The following HTR3C variants were observed in gnomAD, a reference collection of about 807,000 sequenced individuals.
The protein encoded by HTR3C is 5-HT3-C.
A neutral mutation model predicts 40.5 loss-of-function variants in HTR3C; 32 were observed. The observed-to-expected ratio is 0.79, with a 90% CI of 0.60 to 1.06. HTR3C has a LOEUF of 1.06. Among genes scored for constraint, HTR3C ranks in the 50% least tolerant of loss-of-function variants. HTR3C has a pLI of 0.00. For synonymous variants in HTR3C, 209 were observed against 217.1 expected (o/e 0.96, Z 0.33); for missense variants, 523 against 556.8 (o/e 0.94, Z 0.61).
At position 184,060,449 on chromosome 3, in the gene HTR3C, G is replaced by C. The variant is rs1723425592; in HGVS notation, c.*97G>C. On this transcript the variant is annotated 3_prime_UTR_variant, in exon 9 of 9. Transcript: ENST00000318351. Reference sequence around the variant, plus strand: ...TCCTAATCTTAGCCACTTATCCCCAGTGACTACCATGTCCCCTTCTAAATT... The same window carrying C: ...TCCTAATCTTAGCCACTTATCCCCACTGACTACCATGTCCCCTTCTAAATT... 1 of 1,454,054 alleles carries C rather than the reference G, an allele frequency of 6.9e-7. No individual in the cohort carries two copies. Among genetic ancestry groups the C allele is most frequent in the Non-Finnish European group, 9.6e-7 (1 of 1,041,428 alleles). 90.1% of individuals were successfully genotyped at this position (1,454,054 alleles called of 1,614,324 possible). A position where few individuals can be genotyped will look rare whatever the true frequency, so the allele number is the denominator to read the frequency against.
intron 1 of HTR3C, among the ~76,000 whole-genome samples, chr3:184,053,882 G>A (rs1190271666): frequency 6.6e-6 from 1 of 152,194 alleles, no homozygotes; most frequent in Non-Finnish European, 1.5e-5. Context: ...AGCTTCCTGA[G>A]TAGTTGGGAT....
chr3:184,056,461 C>T (rs1240078900), intron 4 of HTR3C, among the ~76,000 whole-genome samples, 175 bp downstream of exon 4: 1 of 151,992 alleles, frequency 6.6e-6, no homozygotes, highest in African/African-American at 2.4e-5. Flanking sequence ...AAGAAAGAGC[C>T]CAGGGCCAGG....
chr3:184,053,241 G>A, intron 1 of HTR3C, 94 bp downstream of exon 1: 1 of 871,524 alleles, frequency 1.1e-6, no homozygotes, highest in South Asian at 1.4e-5. Context: ...GAATTAATGT[G>A]TTAAATATTT....
intron 3 of HTR3C, 34 bp downstream of exon 3, chr3:184,055,390 A>C: frequency 2.7e-6 from 4 of 1,497,948 alleles, no homozygotes; most frequent in Non-Finnish European, 3.7e-6. Context: ...TCCCCACTTC[A>C]TTTATAATTT....
intron 1 of HTR3C, 150 bp downstream of exon 1, chr3:184,053,297 A>G: frequency 1.6e-6 from 1 of 632,352 alleles, no homozygotes; most frequent in East Asian, 2.7e-5. Context: ...GACAGATAGA[A>G]AGACAGTTCA....
At chr3:184,054,989 G>C in intron 2 of HTR3C, 102 bp downstream of exon 2, 1 of 1,192,456 alleles carries the variant, frequency 8.4e-7, no homozygotes, top group Non-Finnish European at 1.2e-6. Context: ...TGAACAATAG[G>C]CACCCTGGAT....
chr3:184,055,884 CAAAAAAAAAAAAAA>C (rs71185686), intron 3 of HTR3C, among the ~76,000 whole-genome samples: 12 of 30,712 alleles, frequency 3.9e-4, no homozygotes, highest in South Asian at 2.3e-3. Flanking sequence ...AATAGCAACT[CAAAAAAAAAAAAAA>C]AAAAAAAAAA....
chr3:184,057,121 T>A, intron 5 of HTR3C, 77 bp downstream of exon 5: 1 of 1,186,674 alleles, frequency 8.4e-7, no homozygotes, highest in Non-Finnish European at 1.2e-6. Flanking sequence ...TTAGAAAAGG[T>A]TTTGGATCAG....
chr3:184,054,733 C>A lies in HTR3C; in HGVS notation c.80C>A (p.Ala27Asp). The stretch of plus-strand genomic sequence containing the variant: ...CTGCTCTCTATAGGAAGAGGCGACG[C>A]TTTTACCATCAATTGCTCAGGCTTT... ...VSLLLQGRGD[A>D]FTINCSGFDQ... is the part of the protein sequence containing the mutation. Residue 27 changes from alanine (A) to aspartate (D), a missense_variant, in exon 2 of 9, where the codon GCT becomes GAT. By Grantham distance (126) the Ala-to-Asp change is moderately radical. Coordinates refer to ENST00000318351, the MANE Select transcript of HTR3C (RefSeq NM_130770.3). 1 of 1,599,304 alleles carries A rather than the reference C, an allele frequency of 6.3e-7. No homozygotes were observed. The highest frequency in any genetic ancestry group is 8.5e-7 in the Non-Finnish European group (1 of 1,174,018).
intron 2 of HTR3C, among the ~76,000 whole-genome samples, 159 bp downstream of exon 2, chr3:184,055,046 G>A (rs992785615): frequency 2.6e-5 from 4 of 152,138 alleles, no homozygotes; most frequent in East Asian, 1.9e-4. Context: ...GGAGAGGCAC[G>A]AAGAAGAATA....
intron 5 of HTR3C, 74 bp from the exon 6 acceptor site, chr3:184,058,353 G>A (rs540615523): frequency 6.9e-7 from 1 of 1,447,742 alleles, no homozygotes; most frequent in South Asian, 1.5e-5. Flanking sequence ...GAAGCTCAGT[G>A]GGGGAGGACT....
chr3:184,055,026 C>T, intron 2 of HTR3C, 139 bp downstream of exon 2: 1 of 852,688 alleles, frequency 1.2e-6, no homozygotes, highest in East Asian at 2.7e-5. Context: ...AGATGCTTTT[C>T]CTATGCGATG....
rs930510726 is a variant in HTR3C, at chr3:184,056,988, A to G, written c.503A>G (p.Tyr168Cys). The G allele has an allele frequency of 6.2e-7, 1 of 1,613,690 alleles. No individual in the cohort carries two copies. The highest frequency in any genetic ancestry group is 8.5e-7 in the Non-Finnish European group (1 of 1,179,640). ...AGCATCTGTAACCTGGACATCTTCT[A>G]CTTCCCTTTTGACCAACAGAACTGT... ...VTSICNLDIF[Y>C]FPFDQQNCTF... is the part of the protein sequence containing the mutation. Residue 168 changes from tyrosine to cysteine, a missense_variant, in exon 5 of 9, where the codon TAC becomes TGC. Tyr to Cys is a radical substitution (Grantham distance 194, BLOSUM62 -2). Coordinates refer to ENST00000318351, the MANE Select transcript of HTR3C (RefSeq NM_130770.3).
Position 184,053,108 on chromosome 3 carries a change from A to C in HTR3C, c.28A>C (p.Ser10Arg). ...GGAAGGAGGGTGGCCTGCAAGGCAGAGTGCCCTCCTCTGCCTCACTGTCAG... is the reference window on the plus strand; with the variant it reads ...GGAAGGAGGGTGGCCTGCAAGGCAGCGTGCCCTCCTCTGCCTCACTGTCAG... The part of the protein sequence containing the change: MEGGWPARQ[S>R]ALLCLTVSLL... The change falls in exon 1 of 9, where the codon AGT becomes CGT. Residue 10 changes from serine to arginine, a missense_variant. By Grantham distance (110) the Ser-to-Arg change is moderately radical. Transcript: ENST00000318351. 1 of 1,613,970 alleles carries C rather than the reference A, an allele frequency of 6.2e-7. No individual in the cohort carries two copies. Among genetic ancestry groups the C allele is most frequent in the Non-Finnish European group, 8.5e-7 (1 of 1,179,856 alleles).
At position 184,059,555 on chromosome 3, in the gene HTR3C, ATT is replaced by A. The variant is rs1723399731; in HGVS notation, c.841_842del (p.Phe281GlnfsTer17). ...LPAESENRAPFKITLLLGYNV... is the reference protein window; with the variant it reads ...LPAESENRAPXKITLLLGYNV... ...CAGCAGAGAGCGAGAATCGTGCCCCATTCAAGATAACACTTCTGCTGGGCTAC... is the reference window on the plus strand; with the variant it reads ...CAGCAGAGAGCGAGAATCGTGCCCCACAAGATAACACTTCTGCTGGGCTAC... On this transcript the variant is annotated frameshift_variant, in exon 7 of 9. Coordinates refer to ENST00000318351, the MANE Select transcript of HTR3C (RefSeq NM_130770.3). LOFTEE classifies it high-confidence loss of function. 6.2e-7 allele frequency: 1 copy of A among 1,614,030 alleles called. No individual in the cohort carries two copies. The highest frequency in any genetic ancestry group is 1.6e-4 in the Middle Eastern group (1 of 6,062).
chr3:184,056,338 G>A, intron 4 of HTR3C, 52 bp downstream of exon 4: 5 of 1,276,820 alleles, frequency 3.9e-6, no homozygotes, highest in Non-Finnish European at 5.7e-6. Flanking sequence ...GCCGAGAACA[G>A]CCTAGGGTCA....
In HTR3C at chr3:184,059,618, T is replaced by A. The variant is rs1187131503; in HGVS notation, c.903T>A (p.Pro301=). ...VFLLMMNDLL[P]ASGTPLISVY... ...TGCTCATGATGAATGACTTGCTCCC[T>A]GCCAGTGGCACCCCCCTCATCAGTA... Residue 301 remains proline, a synonymous_variant, in exon 7 of 9, where the codon CCT becomes CCA. Transcript: ENST00000318351. 3.4e-5 allele frequency: 55 copies of A among 1,614,000 alleles called. No individual in the cohort carries two copies. The highest frequency in any genetic ancestry group is 4.1e-5 in the Non-Finnish European group (48 of 1,180,024).
At chr3:184,056,389 C>G (rs1332172776) in intron 4 of HTR3C, 103 bp downstream of exon 4, 1 of 768,828 alleles carries the variant, frequency 1.3e-6, no homozygotes, top group Non-Finnish European at 2.3e-6. Flanking sequence ...GACAGGCACA[C>G]AGTCTCAACG....
chr3:184,054,793 C>T lies in HTR3C; in HGVS notation c.140C>T (p.Ala47Val), dbSNP rs1328629922. ...QHGVDPAVFQ[A>V]VFDRKAFRPF... ...GGGGTTGACCCTGCTGTCTTCCAAG[C>T]AGTGTTTGACAGAAAGGCCTTCCGT... Residue 47 changes from alanine to valine, a missense_variant, in exon 2 of 9, where the codon GCA becomes GTA. Ala to Val is a moderately conservative substitution (Grantham distance 64). Coordinates refer to ENST00000318351, the MANE Select transcript of HTR3C (RefSeq NM_130770.3). 1.2e-6 allele frequency: 2 copies of T among 1,613,936 alleles called. No homozygotes were observed. The highest frequency in any genetic ancestry group is 2.2e-5 in the South Asian group (2 of 91,058).
Sources: gnomAD v4.1 joint callset for allele counts (sites outside exome capture counted in the v4.1 genomes callset) on GRCh38, gnomAD v4.1.1 for gene constraint, MANE v1.5 for transcripts, NCBI Gene and HGNC (gene_info 2026-07-23, HGNC 2026-07-21) for gene names.